The following SIK2 variants were observed in gnomAD, a reference collection of about 807,000 sequenced individuals.
The protein encoded by SIK2 is serine/threonine-protein kinase SIK2.
SIK2 carries 29 observed loss-of-function variants against 103.2 expected under a neutral mutation model. The ratio of observed to expected loss-of-function variants is 0.28; its 90% CI spans 0.21 to 0.38. The LOEUF is 0.38. Ranked by LOEUF, SIK2 falls within the 10% of genes least tolerant of loss-of-function variation. The pLI is 1.00. For missense variants in SIK2, 879 were observed against 1,171.0 expected (o/e 0.75, Z 3.64); for synonymous variants, 412 against 446.1 (o/e 0.92, Z 0.96).
At chr11:111,640,760 A>C (rs1342677754) in intron 3 of SIK2, among the ~76,000 whole-genome samples, 1 of 91,858 alleles carries the variant, frequency 1.1e-5, no homozygotes, top group East Asian at 3.9e-4. Context: ...TTTGAGATGG[A>C]GTCTCACTTT....
At chr11:111,684,418 T>C (rs1039906064) in intron 3 of SIK2, among the ~76,000 whole-genome samples, 8 of 152,138 alleles carry the variant, frequency 5.3e-5, no homozygotes, top group Non-Finnish European at 8.8e-5. Flanking sequence ...CTAACCTCCA[T>C]TGACTCAGCA....
At chr11:111,659,022 T>G (rs1240103909) in intron 3 of SIK2, among the ~76,000 whole-genome samples, 1 of 152,216 alleles carries the variant, frequency 6.6e-6, no homozygotes, top group African/African-American at 2.4e-5. Context: ...CAGATACCTT[T>G]GTATTAATAC....
intron 3 of SIK2, among the ~76,000 whole-genome samples, chr11:111,677,681 A>T (rs776620072): frequency 2.1e-5 from 3 of 144,880 alleles, no homozygotes; most frequent in Non-Finnish European, 4.5e-5. Flanking sequence ...TGCCCACCTC[A>T]GCCTCCCAAA....
At chr11:111,614,112 C>T (rs1431919763) in intron 1 of SIK2, among the ~76,000 whole-genome samples, 4 of 143,434 alleles carry the variant, frequency 2.8e-5, no homozygotes, top group South Asian at 2.2e-4. Context: ...GACAGAGTCT[C>T]GCTCTGTCGC....
At chr11:111,620,139 A>C (rs986240783) in intron 2 of SIK2, among the ~76,000 whole-genome samples, 200 bp from the exon 3 acceptor site, 1 of 152,232 alleles carries the variant, frequency 6.6e-6, no homozygotes, top group Non-Finnish European at 1.5e-5. Flanking sequence ...CAAGGACCAC[A>C]CTTAGAAGAG....
At chr11:111,603,441 G>C (rs1256480825) in intron 1 of SIK2, among the ~76,000 whole-genome samples, 1 of 152,114 alleles carries the variant, frequency 6.6e-6, no homozygotes, top group African/African-American at 2.4e-5. Context: ...TGTACCAGGT[G>C]TGCATTCTGG....
intron 3 of SIK2, among the ~76,000 whole-genome samples, chr11:111,648,261 A>T (rs1942283340): frequency 6.9e-6 from 1 of 145,964 alleles, no homozygotes; most frequent in Non-Finnish European, 1.6e-5. Context: ...AGTTCTCTTG[A>T]GCTGCTATAA....
chr11:111,615,770 A>G (rs1834914191), intron 1 of SIK2, among the ~76,000 whole-genome samples: 2 of 152,190 alleles, frequency 1.3e-5, no homozygotes, highest in South Asian at 4.1e-4. Context: ...AATATTTTAT[A>G]TTCAGCTTTT....
At chr11:111,690,539 C>T (rs929353335) in intron 4 of SIK2, among the ~76,000 whole-genome samples, 2 of 151,794 alleles carry the variant, frequency 1.3e-5, no homozygotes, top group African/African-American at 2.4e-5. Context: ...GTTTGTTGCA[C>T]CTATCAACTC....
At chr11:111,611,408 A>G (rs550858025) in intron 1 of SIK2, among the ~76,000 whole-genome samples, 3 of 152,322 alleles carry the variant, frequency 2.0e-5, no homozygotes, top group Non-Finnish European at 2.9e-5. Context: ...AATCTATTTT[A>G]TATTCCTACT....
At chr11:111,689,184 G>A (rs1044679928) in intron 4 of SIK2, among the ~76,000 whole-genome samples, 2 of 152,154 alleles carry the variant, frequency 1.3e-5, no homozygotes, top group African/African-American at 4.8e-5. Flanking sequence ...TTGATACAGG[G>A]GGAGCAGATA....
At chr11:111,647,317 G>A (rs1314513666) in intron 3 of SIK2, among the ~76,000 whole-genome samples, 1 of 152,086 alleles carries the variant, frequency 6.6e-6, no homozygotes, top group Non-Finnish European at 1.5e-5. Flanking sequence ...CCTGGCCAAA[G>A]TTTTATTACA....
chr11:111,716,017 G>T (rs1388806412), intron 9 of SIK2, among the ~76,000 whole-genome samples: 4 of 152,078 alleles, frequency 2.6e-5, no homozygotes, highest in Non-Finnish European at 5.9e-5. Flanking sequence ...GGCCAGGCTG[G>T]TCTCGAACTC....
At chr11:111,674,060 C>A (rs1942665050) in intron 3 of SIK2, among the ~76,000 whole-genome samples, 1 of 130,618 alleles carries the variant, frequency 7.7e-6, no homozygotes. Context: ...GGCGACAGAG[C>A]AAGACTCCAT....
intron 3 of SIK2, among the ~76,000 whole-genome samples, chr11:111,669,248 A>C (rs1035889662): frequency 6.6e-6 from 1 of 152,170 alleles, no homozygotes; most frequent in African/African-American, 2.4e-5. Context: ...ATGCTAGAGG[A>C]AATACATTTG....
chr11:111,663,822 C>G (rs938527693), intron 3 of SIK2, among the ~76,000 whole-genome samples: 1 of 152,070 alleles, frequency 6.6e-6, no homozygotes, highest in Non-Finnish European at 1.5e-5. Context: ...AGTGTTTAAG[C>G]CTAATTATTT....
Position 111,720,941 on chromosome 11 carries a change from C to A in SIK2, c.1823C>A (p.Thr608Asn). 6.2e-7 allele frequency: 1 copy of A among 1,614,102 alleles called. No individual in the cohort carries two copies. Among genetic ancestry groups the A allele is most frequent in the Non-Finnish European group, 8.5e-7 (1 of 1,180,010 alleles). ...FRQHLQNLAR[T>N]KGILELNKVQ... ...CAACATCTTCAGAATCTGGCTAGAA[C>A]CAAAGGAATTCTAGAGTTGAACAAA... is the stretch of plus-strand genomic sequence containing the variant. Residue 608 changes from threonine (T) to asparagine (N), a missense_variant, in exon 12 of 15, where the codon ACC (threonine) becomes AAC (asparagine). Coordinates refer to ENST00000304987, the MANE Select transcript of SIK2 (RefSeq NM_015191.3).
rs771606924 is a variant in SIK2, at chr11:111,723,802, A to ACAG, written c.2465_2467dup (p.Gln822dup). 18 of 1,613,686 alleles carry ACAG rather than the reference A, an allele frequency of 1.1e-5. No homozygotes were observed. Among genetic ancestry groups the ACAG allele is most frequent in the Middle Eastern group, 1.6e-4 (1 of 6,084 alleles). On this transcript the variant is annotated inframe_insertion, in exon 15 of 15. Coordinates refer to ENST00000304987, the MANE Select transcript of SIK2 (RefSeq NM_015191.3). ...CTGCTCCTCCTCTGCCCACGCAGCT[A>ACAG]CAGCAGCAGCAGCCGCCACCGCCAC...
chr11:111,672,330 G>T, intron 3 of SIK2: 1 of 440,170 alleles, frequency 2.3e-6, no homozygotes, highest in Non-Finnish European at 3.9e-6. Flanking sequence ...GCCTGCTCGT[G>T]GAGGAGCAGC....
Sources: allele counts gnomAD v4.1 joint callset (sites outside exome capture counted in the v4.1 genomes callset), GRCh38; gene constraint gnomAD v4.1.1; transcripts MANE v1.5; gene names NCBI Gene and HGNC (gene_info 2026-07-23, HGNC 2026-07-21).